ATP11A: variants seen among roughly 807,000 people sequenced by gnomAD.
ATP11A encodes the protein ATPase phospholipid transporting 11A, also known as phospholipid-transporting ATPase IH.
Under a neutral mutation model 154.4 loss-of-function variants are expected in ATP11A, and 81 were observed. The ratio of observed to expected loss-of-function variants is 0.52; its 90% CI spans 0.44 to 0.63. ATP11A has a LOEUF of 0.63. ATP11A is among the 30% of genes least tolerant of loss of function. ATP11A has a pLI of 0.00. For synonymous variants in ATP11A, 623 were observed against 585.9 expected (o/e 1.06, Z -0.91); for missense variants, 1,316 against 1,474.3 (o/e 0.89, Z 1.76).
chr13:112,738,641 C>G (rs533655385), intron 1 of ATP11A, among the ~76,000 whole-genome samples: 47 of 152,250 alleles, frequency 3.1e-4, no homozygotes, highest in African/African-American at 1.0e-3. Context: ...TCTGTGCTGG[C>G]CCAAGGCAAT....
chr13:112,819,736 A>G (rs2078744736), intron 7 of ATP11A, among the ~76,000 whole-genome samples, 164 bp from the exon 8 acceptor site: 3 of 152,242 alleles, frequency 2.0e-5, no homozygotes, highest in African/African-American at 7.2e-5. Context: ...GCTGATCAGA[A>G]CAGAAAGTAC....
chr13:112,877,442 A>G (rs1041528277), intron 28 of ATP11A, among the ~76,000 whole-genome samples: 1 of 152,228 alleles, frequency 6.6e-6, no homozygotes, highest in African/African-American at 2.4e-5. Flanking sequence ...TGCATGGGAC[A>G]CGTGTTCATA....
chr13:112,843,637 G>A (rs929520248), intron 17 of ATP11A, among the ~76,000 whole-genome samples: 3 of 152,092 alleles, frequency 2.0e-5, no homozygotes, highest in East Asian at 1.9e-4. Flanking sequence ...GGTACTCAGC[G>A]CTCCCTTCAC....
At chr13:112,818,655 G>A (rs1448900171) in intron 6 of ATP11A, among the ~76,000 whole-genome samples, 1 of 152,196 alleles carries the variant, frequency 6.6e-6, no homozygotes, top group Non-Finnish European at 1.5e-5. Context: ...AGGTCACCAG[G>A]CCTCAAAATG....
intron 1 of ATP11A, among the ~76,000 whole-genome samples, chr13:112,767,564 GC>G (rs1347490648): frequency 1.3e-5 from 2 of 151,846 alleles, no homozygotes; most frequent in Non-Finnish European, 2.9e-5. Context: ...GCTGTTGGGA[GC>G]CTGGCTATTT....
At chr13:112,745,833 TA>T (rs1892062518) in intron 1 of ATP11A, 2 of 152,196 alleles carry the variant, frequency 1.3e-5, no homozygotes, top group Non-Finnish European at 2.9e-5. Flanking sequence ...AGTTCAGCAG[TA>T]TTGAGCACCT....
rs750981134 is a variant in ATP11A at position 112,882,392 on chromosome 13, C to T, written c.*526C>T. 9.9e-5 allele frequency: 38 copies of T among 384,550 alleles called. No homozygotes were observed. Among genetic ancestry groups the T allele is most frequent in the South Asian group, 3.9e-4 (14 of 35,610 alleles). The allele number at this position is 384,550 out of a possible 1,614,324, so 23.8% of individuals were successfully genotyped here. On this transcript the variant is annotated 3_prime_UTR_variant, in exon 30 of 30. Coordinates refer to ENST00000375645, the MANE Select transcript of ATP11A (RefSeq NM_015205.3). The surrounding 1 kb of genome is among the most constrained non-coding windows in gnomAD (Gnocchi z 5.1). ...GCCCACATGTGGATGCCACATGCTG[C>T]TGTTTCCTGCTTGCCCGGCCACCAC...
intron 17 of ATP11A, among the ~76,000 whole-genome samples, chr13:112,846,326 T>A (rs897864682): frequency 6.6e-6 from 1 of 152,174 alleles, no homozygotes; most frequent in Non-Finnish European, 1.5e-5. Context: ...GCTTTTCCCT[T>A]TAAGGTTTTC....
intron 2 of ATP11A, among the ~76,000 whole-genome samples, chr13:112,794,029 A>T (rs566926805): frequency 6.6e-6 from 1 of 152,228 alleles, no homozygotes; most frequent in South Asian, 2.1e-4. Context: ...CGTCTGTCGT[A>T]CAAGTGAGAA....
intron 1 of ATP11A, among the ~76,000 whole-genome samples, chr13:112,701,248 T>C (rs1366818245): frequency 5.3e-5 from 8 of 152,226 alleles, no homozygotes; most frequent in Non-Finnish European, 1.0e-4. Context: ...GCCTGGCAGT[T>C]ACAAGTGTGT....
At chr13:112,762,607 G>A (rs553187902) in intron 1 of ATP11A, among the ~76,000 whole-genome samples, 29 of 152,306 alleles carry the variant, frequency 1.9e-4, no homozygotes, top group Admixed American at 1.6e-3. Context: ...TGGGTGTGAC[G>A]CAGGCTGGAA....
chr13:112,826,643 C>A, intron 11 of ATP11A, 51 bp from the exon 12 acceptor site: 2 of 1,469,944 alleles, frequency 1.4e-6, no homozygotes, highest in Non-Finnish European at 1.9e-6. Context: ...ATGTTGGAGG[C>A]CTGCTGTCCC....
At chr13:112,816,336 T>C in intron 6 of ATP11A, 125 bp downstream of exon 6, 1 of 1,238,962 alleles carries the variant, frequency 8.1e-7, no homozygotes, top group African/African-American at 1.5e-5. Context: ...CCCAGGGAGT[T>C]ACACCAGCCA....
intron 8 of ATP11A, among the ~76,000 whole-genome samples, chr13:112,822,019 G>A (rs748708599): frequency 6.6e-6 from 1 of 152,194 alleles, no homozygotes. Flanking sequence ...CCTGTCTTCA[G>A]CCGGATGCAG....
In ATP11A at chr13:112,696,015, T is replaced by A. The variant is rs188822125; in HGVS notation, c.39+5560T>A. On this transcript the variant is annotated intron_variant, in intron 1 of 29. Coordinates refer to ENST00000375645, the MANE Select transcript of ATP11A (RefSeq NM_015205.3). The surrounding 1 kb of genome is among the most constrained non-coding windows in gnomAD (Gnocchi z 6.2). ...TGGTACATCCCAGAGGTGCCGAGGT[T>A]AGGCGTCGGAGTCTGACAGACCCAC... Among the ~76,000 whole-genome samples the A allele has an allele frequency of 3.9e-5, 6 of 152,310 alleles. No homozygotes were observed. In the East Asian group the frequency reaches 9.7e-4, roughly 25 times the overall value.
At chr13:112,791,700 G>A (rs536908185) in intron 2 of ATP11A, among the ~76,000 whole-genome samples, 6 of 152,036 alleles carry the variant, frequency 3.9e-5, no homozygotes, top group Admixed American at 1.3e-4. Flanking sequence ...GCTCCGCCTG[G>A]CCCTGCTCCC....
intron 1 of ATP11A, among the ~76,000 whole-genome samples, chr13:112,736,209 CAT>C (rs1169783046): frequency 6.6e-5 from 10 of 152,220 alleles, no homozygotes; most frequent in African/African-American, 1.2e-4. Context: ...TCACTTAGCA[CAT>C]GTTTTAACTT....
chr13:112,741,729 T>A (rs1458354928), intron 1 of ATP11A, among the ~76,000 whole-genome samples: 1 of 152,136 alleles, frequency 6.6e-6, no homozygotes, highest in Non-Finnish European at 1.5e-5. Flanking sequence ...TGCCGGCTGT[T>A]TTTGTTTGTG....
chr13:112,834,897 A>G (rs994177006), intron 15 of ATP11A, among the ~76,000 whole-genome samples: 2 of 152,160 alleles, frequency 1.3e-5, no homozygotes, highest in Non-Finnish European at 2.9e-5. Flanking sequence ...TTTCTTGGAG[A>G]TGTAAATTGG....
Sources: gnomAD v4.1 joint callset for allele counts (sites outside exome capture counted in the v4.1 genomes callset) on GRCh38, gnomAD v4.1.1 for gene constraint, Gnocchi (gnomAD v3.1) non-coding constraint, MANE v1.5 for transcripts, NCBI Gene and HGNC (gene_info 2026-07-23, HGNC 2026-07-21) for gene names.